JMJD1C: variants seen among roughly 807,000 people sequenced by gnomAD.
JMJD1C encodes jumonji domain-containing protein 1C.
In JMJD1C, 31 loss-of-function variants were observed where a neutral mutation model predicts 245.3. The observed-to-expected ratio is 0.13, with a 90% CI of 0.09 to 0.17. The LOEUF (loss-of-function observed/expected upper bound fraction) is 0.17, where lower values mean the gene tolerates loss of function less well. Ranked by LOEUF, JMJD1C falls within the 10% of genes least tolerant of loss-of-function variation. The probability of loss-of-function intolerance (pLI) is 1.00; values close to 1 mark genes in which losing one functional copy is unlikely to be tolerated. For synonymous variants in JMJD1C, 1,057 were observed against 1,017.4 expected (o/e 1.04, Z -0.74); for missense variants, 2,691 against 3,000.2 (o/e 0.90, Z 2.41).
At chr10:63,325,036 A>G (rs1941350032) in intron 2 of JMJD1C, among the ~76,000 whole-genome samples, 2 of 152,208 alleles carry the variant, frequency 1.3e-5, no homozygotes, top group African/African-American at 4.8e-5. Context: ...CTAATTCTTA[A>G]TATTACAAAC....
At chr10:63,276,518 C>T (rs887967765) in intron 2 of JMJD1C, among the ~76,000 whole-genome samples, 1 of 151,304 alleles carries the variant, frequency 6.6e-6, no homozygotes, top group Non-Finnish European at 1.5e-5. Flanking sequence ...AACCCCAACT[C>T]TACTAAAAAT....
At position 63,326,193 on chromosome 10, in the gene JMJD1C, G is replaced by A. The variant is rs190670705; in HGVS notation, c.333+54125C>T. Among the ~76,000 whole-genome samples, 38 of 152,104 alleles carry A rather than the reference G, an allele frequency of 2.5e-4. No individual in the cohort carries two copies. In the East Asian group the frequency reaches 6.0e-3, roughly 24 times the overall value. On this transcript the variant is annotated intron_variant, in intron 2 of 25. Coordinates refer to ENST00000399262, the MANE Select transcript of JMJD1C (RefSeq NM_032776.3). ...GAAGTGTAATAACACAGTGAAAGCC[G>A]TGTTTAAAGATGATAAAATGGCCAG...
chr10:63,405,347 G>T (rs1176431895), intron 1 of JMJD1C, among the ~76,000 whole-genome samples: 1 of 123,962 alleles, frequency 8.1e-6, no homozygotes, highest in Non-Finnish European at 1.6e-5. Context: ...TTGAGATGGA[G>T]TCTTGCTCTG....
chr10:63,375,184 T>TTTTTG (rs1491115502), intron 2 of JMJD1C, among the ~76,000 whole-genome samples: 20 of 18,278 alleles, frequency 1.1e-3, no homozygotes, highest in African/African-American at 2.1e-3. Context: ...AAAAATTGGC[T>TTTTTG]TTTTTTTTTT....
chr10:63,386,823 C>T (rs1027552577), intron 1 of JMJD1C, among the ~76,000 whole-genome samples: 1 of 152,202 alleles, frequency 6.6e-6, no homozygotes, highest in Admixed American at 6.5e-5. Context: ...CCCACTACTG[C>T]CATTCCTGGC....
chr10:63,264,866 C>T (rs1029403384), intron 2 of JMJD1C, 102 bp from the exon 3 acceptor site: 3 of 625,650 alleles, frequency 4.8e-6, no homozygotes, highest in Non-Finnish European at 8.5e-6. Context: ...ATTATCACTA[C>T]AGAGTCTTAG....
chr10:63,449,330 CAAA>C (rs901487873), intron 1 of JMJD1C, among the ~76,000 whole-genome samples: 7 of 151,748 alleles, frequency 4.6e-5, no homozygotes, highest in Non-Finnish European at 7.4e-5. Flanking sequence ...AATGATAAAA[CAAA>C]AGACATGATA....
Position 63,269,289 on chromosome 10 carries a change from C to T in JMJD1C, c.334-4525G>A, listed in dbSNP as rs1250634416. 29 of 795,862 alleles carry T rather than the reference C, an allele frequency of 3.6e-5. No homozygotes were observed. In the Admixed American group the frequency reaches 3.7e-4, roughly 10 times the overall value. The allele number at this position is 795,862 out of a possible 1,614,324, so 49.3% of individuals were successfully genotyped here. A position where few individuals can be genotyped will look rare whatever the true frequency, so the allele number is the denominator to read the frequency against. Reference sequence around the variant, plus strand: ...GCTCTGTAAACTGTAACTAATCCCCCGTCACAGGTGCTGATGGAGTCACTT... The same window carrying T: ...GCTCTGTAAACTGTAACTAATCCCCTGTCACAGGTGCTGATGGAGTCACTT... On this transcript the variant is annotated intron_variant, in intron 2 of 25. Coordinates refer to ENST00000399262, the MANE Select transcript of JMJD1C (RefSeq NM_032776.3).
At chr10:63,188,392 G>A (rs1844379651) in intron 18 of JMJD1C, among the ~76,000 whole-genome samples, 1 of 152,150 alleles carries the variant, frequency 6.6e-6, no homozygotes, top group South Asian at 2.1e-4. Flanking sequence ...AAAGGGATTA[G>A]TAACCTAAAA....
At position 63,179,703 on chromosome 10, in the gene JMJD1C, G is replaced by C. The variant is rs142142442; in HGVS notation, c.7085-1847C>G. 6.0e-3 allele frequency among the ~76,000 whole-genome samples: 917 copies of C among 151,644 alleles called. 8 individuals are homozygous for C. The highest frequency in any genetic ancestry group is 0.021 in the African/African-American group (875 of 41,322). On this transcript the variant is annotated intron_variant, in intron 22 of 25. Transcript: ENST00000399262. The stretch of plus-strand genomic sequence containing the variant: ...TGGGAGGATCTTTTGAGTCCAGGAG[G>C]TTGAAGCTGCAGTGAGCTGAGTCTG...
chr10:63,247,131 CAA>C lies in JMJD1C; in HGVS notation c.447+17518_447+17519del, dbSNP rs748433358. On this transcript the variant is annotated intron_variant, in intron 3 of 25. Transcript: ENST00000399262. ...AAAAACAAAAACAAAAACAAAAAAA[CAA>C]AAAACAGAAGAAAATTTTAAAAAAA... Among the ~76,000 whole-genome samples, 570 of 137,936 alleles carry C rather than the reference CAA, an allele frequency of 4.1e-3. 2 individuals carry two copies. Among genetic ancestry groups the C allele is most frequent in the Middle Eastern group, 0.012 (3 of 250 alleles). 90.5% of individuals were successfully genotyped at this position (137,936 alleles called of 152,430 possible).
At chr10:63,469,891 TTA>T (rs1307423371), upstream of JMJD1C, among the ~76,000 whole-genome samples, 1 of 152,192 alleles carries the variant, frequency 6.6e-6, no homozygotes, top group Non-Finnish European at 1.5e-5. Context: ...GAATATAAAT[TTA>T]TGTTACCATT....
intron 2 of JMJD1C, among the ~76,000 whole-genome samples, chr10:63,266,785 T>C (rs543035633): frequency 6.6e-6 from 1 of 152,280 alleles, no homozygotes; most frequent in East Asian, 1.9e-4. Flanking sequence ...AGTAAAGTTC[T>C]CCTTCTGGAG....
intron 1 of JMJD1C, among the ~76,000 whole-genome samples, chr10:63,472,307 T>G (rs1226956645): frequency 4.6e-5 from 7 of 152,208 alleles, no homozygotes; most frequent in Non-Finnish European, 8.8e-5. Context: ...TGGATGCTTC[T>G]TTCCCCCACT....
chr10:63,518,387 A>C (rs1394574404), intron 1 of JMJD1C, among the ~76,000 whole-genome samples: 1 of 152,348 alleles, frequency 6.6e-6, no homozygotes, highest in East Asian at 1.9e-4. Flanking sequence ...TATACCCTAA[A>C]TAAGAGTGGA....
intron 3 of JMJD1C, among the ~76,000 whole-genome samples, chr10:63,232,217 CA>C (rs1850114040): frequency 6.6e-6 from 1 of 152,010 alleles, no homozygotes; most frequent in African/African-American, 2.4e-5. Context: ...ATCATCTTCT[CA>C]ATATATTACT....
intron 24 of JMJD1C, among the ~76,000 whole-genome samples, chr10:63,173,993 C>T (rs747385218): frequency 2.6e-5 from 4 of 152,158 alleles, no homozygotes; most frequent in Admixed American, 6.5e-5. Flanking sequence ...CCATGAGACA[C>T]CACTGTACAC....
chr10:63,325,559 T>G (rs1317924834), intron 2 of JMJD1C, among the ~76,000 whole-genome samples: 3 of 152,168 alleles, frequency 2.0e-5, no homozygotes, highest in African/African-American at 7.2e-5. Context: ...TCTTTGGACC[T>G]CTCTTTTCTG....
intron 1 of JMJD1C, among the ~76,000 whole-genome samples, chr10:63,430,793 G>A (rs979685183): frequency 1.3e-5 from 2 of 152,162 alleles, no homozygotes; most frequent in African/African-American, 4.8e-5. Context: ...TCACTCACTG[G>A]AGAGCAGTGG....
Sources: gnomAD v4.1 joint callset for allele counts (sites outside exome capture counted in the v4.1 genomes callset) on GRCh38, gnomAD v4.1.1 for gene constraint, MANE v1.5 for transcripts, NCBI Gene and HGNC (gene_info 2026-07-23, HGNC 2026-07-21) for gene names.